The following CMSS1 variants were observed in gnomAD, a reference collection of about 807,000 sequenced individuals.
The protein encoded by CMSS1 is protein CMSS1.
Under a neutral mutation model 43.5 loss-of-function variants are expected in CMSS1, and 33 were observed. The ratio of observed to expected loss-of-function variants is 0.76; its 90% confidence interval spans 0.57 to 1.01. The LOEUF (loss-of-function observed/expected upper bound fraction) is 1.01, where lower values mean the gene tolerates loss of function less well. Among genes scored for constraint, CMSS1 ranks in the 50% least tolerant of loss-of-function variants. The probability of loss-of-function intolerance (pLI) is 0.00; values close to 1 mark genes in which losing one functional copy is unlikely to be tolerated. For synonymous variants in CMSS1, 115 were observed against 117.2 expected (o/e 0.98, Z 0.12); for missense variants, 313 against 326.4 (o/e 0.96, Z 0.32).
Position 99,849,391 on chromosome 3 carries a change from C to T in CMSS1, c.64+31348C>T, listed in dbSNP as rs1943542701. 5.6e-6 allele frequency: 9 copies of T among 1,614,102 alleles called. No individual in the cohort carries two copies. The South Asian group carries it at 8.8e-5, about 16-fold the overall frequency. On this transcript the variant is annotated intron_variant, in intron 1 of 9. Coordinates refer to ENST00000421999, the MANE Select transcript of CMSS1 (RefSeq NM_032359.4). ...CTCCTTAGTGAGGTTTTCAATCTCT[C>T]TTCCTAAATCTCTGTTCCTGTTTTC...
chr3:100,143,794 C>A (rs985017500), intron 1 of CMSS1, among the ~76,000 whole-genome samples: 1 of 152,088 alleles, frequency 6.6e-6, no homozygotes, highest in Non-Finnish European at 1.5e-5. Flanking sequence ...GACAGATTAC[C>A]CTTTATCATT....
chr3:99,942,549 T>C (rs1707880894), intron 1 of CMSS1, among the ~76,000 whole-genome samples: 2 of 152,162 alleles, frequency 1.3e-5, no homozygotes, highest in Non-Finnish European at 2.9e-5. Context: ...AGTGGTTTCC[T>C]TGCCAGTCGC....
intron 1 of CMSS1, among the ~76,000 whole-genome samples, chr3:99,980,150 C>T (rs1709080003): frequency 6.6e-6 from 1 of 152,056 alleles, no homozygotes; most frequent in Non-Finnish European, 1.5e-5. Flanking sequence ...TGCAGTAGTA[C>T]CTTAGAGCTC....
Position 99,887,969 on chromosome 3 carries a change from G to A in CMSS1, c.64+69926G>A, listed in dbSNP as rs149347648. ...TGCCCAGGCTCATCTTGAACTCCTG[G>A]GAAGGTTCAAGCAATCCATCCACCT... is the stretch of plus-strand genomic sequence containing the variant. On this transcript the variant is annotated intron_variant, in intron 1 of 9. Coordinates refer to ENST00000421999, the MANE Select transcript of CMSS1 (RefSeq NM_032359.4). 9.3e-4 allele frequency among the ~76,000 whole-genome samples: 142 copies of A among 152,048 alleles called. 1 individual carries two copies. The highest frequency in any genetic ancestry group is 6.8e-3 in the East Asian group (35 of 5,164).
At chr3:99,983,392 A>ATG (rs1314015302) in intron 1 of CMSS1, among the ~76,000 whole-genome samples, 1,159 of 22,548 alleles carry the variant, frequency 0.051, 72 homozygotes, top group Non-Finnish European at 0.11. Context: ...ATAAATAAAT[A>ATG]TATATATATA....
At chr3:100,172,203 T>C (rs141717694) in intron 7 of CMSS1, 113 bp from the exon 8 acceptor site, 1 of 915,290 alleles carries the variant, frequency 1.1e-6, no homozygotes. Context: ...TACACAAGGG[T>C]AGCTCCATTT....
At chr3:99,999,985 TAAAAAC>T (rs1709795734) in intron 1 of CMSS1, among the ~76,000 whole-genome samples, 3 of 152,140 alleles carry the variant, frequency 2.0e-5, no homozygotes, top group African/African-American at 7.2e-5. Flanking sequence ...AGCCCTGGCT[TAAAAAC>T]AAAAAGAAAA....
intron 1 of CMSS1, among the ~76,000 whole-genome samples, chr3:100,101,528 G>T (rs141270906): frequency 3.3e-5 from 5 of 152,094 alleles, no homozygotes; most frequent in Non-Finnish European, 2.9e-5. Context: ...TGGAATTCTT[G>T]ATTGTGGTGG....
At chr3:99,858,755 A>G (rs1188618446) in intron 1 of CMSS1, among the ~76,000 whole-genome samples, 5 of 152,232 alleles carry the variant, frequency 3.3e-5, no homozygotes, top group African/African-American at 9.6e-5. Flanking sequence ...AGGTTGTGTT[A>G]TTATGAAGAT....
intron 1 of CMSS1, 45 bp from the exon 2 acceptor site, chr3:100,146,928 T>TGA: frequency 1.3e-6 from 2 of 1,586,846 alleles, no homozygotes; most frequent in Admixed American, 1.8e-5. Flanking sequence ...GCACTAGCAA[T>TGA]GAGAGAGAGA....
At chr3:99,955,628 G>A (rs964594267) in intron 1 of CMSS1, among the ~76,000 whole-genome samples, 7 of 152,156 alleles carry the variant, frequency 4.6e-5, no homozygotes, top group African/African-American at 1.7e-4. Flanking sequence ...ATATTTTCCT[G>A]GAGCTCCGTT....
intron 1 of CMSS1, among the ~76,000 whole-genome samples, chr3:99,847,287 A>G (rs776417227): frequency 1.1e-4 from 16 of 151,884 alleles, no homozygotes; most frequent in Admixed American, 3.3e-4. Flanking sequence ...TAGCACCTAC[A>G]TTAAGTAATT....
intron 1 of CMSS1, among the ~76,000 whole-genome samples, chr3:100,124,932 C>T (rs1316740531): frequency 6.6e-6 from 1 of 152,152 alleles, no homozygotes; most frequent in Non-Finnish European, 1.5e-5. Flanking sequence ...TCCCCACCAG[C>T]CATTCCTGCA....
At chr3:100,115,303 A>C (rs1318539123) in intron 1 of CMSS1, among the ~76,000 whole-genome samples, 1 of 152,190 alleles carries the variant, frequency 6.6e-6, no homozygotes, top group African/African-American at 2.4e-5. Flanking sequence ...CTGGTGATCT[A>C]ATGAGAAAAC....
chr3:100,086,947 T>C lies in CMSS1; in HGVS notation c.65-60026T>C, dbSNP rs574841269. Among the ~76,000 whole-genome samples, 44 of 152,336 alleles carry C rather than the reference T, an allele frequency of 2.9e-4. No homozygotes were observed. The South Asian group carries it at 3.1e-3, about 11-fold the overall frequency. On this transcript the variant is annotated intron_variant, in intron 1 of 9. Coordinates refer to ENST00000421999, the MANE Select transcript of CMSS1 (RefSeq NM_032359.4). ...TACCTTTTCCTGAATGTCATATAAA[T>C]GGAATCACAGTATTTTGAATCTGGT...
intron 1 of CMSS1, chr3:99,848,232 CT>C: frequency 6.3e-7 from 1 of 1,586,882 alleles, no homozygotes; most frequent in Non-Finnish European, 8.6e-7. Context: ...GATTGAGTTC[CT>C]TGCAAAAATA....
At chr3:99,828,466 C>G (rs1942579049) in intron 1 of CMSS1, among the ~76,000 whole-genome samples, 1 of 137,750 alleles carries the variant, frequency 7.3e-6, no homozygotes, top group Admixed American at 7.2e-5. Context: ...TTTTTTTTTC[C>G]CCACAAACAA....
intron 1 of CMSS1, among the ~76,000 whole-genome samples, chr3:100,135,438 A>ATGTGTGTGTGTGTGTGTGTG (rs71132511): frequency 8.3e-6 from 1 of 120,734 alleles, no homozygotes; most frequent in African/African-American, 3.3e-5. Flanking sequence ...GTGTGTGTGC[A>ATGTGTGTGTGTGTGTGTGTG]TGTGTGTGTG....
At chr3:100,010,615 T>TC (rs1212153487) in intron 1 of CMSS1, among the ~76,000 whole-genome samples, 2 of 150,698 alleles carry the variant, frequency 1.3e-5, no homozygotes, top group Non-Finnish European at 3.0e-5. Context: ...TTTCTTTCTT[T>TC]TTTTTTTTTT....
Sources: allele counts gnomAD v4.1 joint callset (sites outside exome capture counted in the v4.1 genomes callset), GRCh38; gene constraint gnomAD v4.1.1; transcripts MANE v1.5; gene names NCBI Gene and HGNC (gene_info 2026-07-23, HGNC 2026-07-21).